The following CD4 variants were observed in gnomAD, a reference collection of about 807,000 sequenced individuals.
CD4 encodes the protein CD4 molecule, also known as T-cell surface glycoprotein CD4.
In CD4, 25 loss-of-function variants were observed where a neutral mutation model predicts 50.5. The observed-to-expected ratio is 0.49, with a 90% CI of 0.36 to 0.69. The LOEUF is 0.69. Ranked by LOEUF, CD4 falls within the 30% of genes least tolerant of loss-of-function variation. The probability of loss-of-function intolerance (pLI) is 0.00; values close to 1 mark genes in which losing one functional copy is unlikely to be tolerated. For synonymous variants in CD4, 207 were observed against 221.9 expected (o/e 0.93, Z 0.60); for missense variants, 456 against 548.5 (o/e 0.83, Z 1.68).
chr12:6,808,181 G>T (rs1038403689), intron 3 of CD4, among the ~76,000 whole-genome samples: 1 of 151,028 alleles, frequency 6.6e-6, no homozygotes, highest in Non-Finnish European at 1.5e-5. Flanking sequence ...TTGGCCAGGC[G>T]CAGTGGCTCA....
intron 1 of CD4, among the ~76,000 whole-genome samples, chr12:6,791,628 C>T (rs897875919): frequency 6.6e-5 from 10 of 152,214 alleles, no homozygotes; most frequent in Admixed American, 2.0e-4. Context: ...CACCAGTAAT[C>T]CCAGCCCTTT....
intron 7 of CD4, among the ~76,000 whole-genome samples, chr12:6,817,665 CTCACACACAT>C (rs1943116737): frequency 6.6e-6 from 1 of 152,024 alleles, no homozygotes; most frequent in Non-Finnish European, 1.5e-5. Flanking sequence ...TACACACACA[CTCACACACAT>C]ACACTCTCAC....
intron 3 of CD4, among the ~76,000 whole-genome samples, chr12:6,801,546 A>T (rs781888120): frequency 6.7e-6 from 1 of 148,310 alleles, no homozygotes; most frequent in Non-Finnish European, 1.5e-5. Flanking sequence ...CANATTTATT[A>T]TTATTATTAT....
chr12:6,800,504 A>G (rs545563466), intron 3 of CD4, 33 bp downstream of exon 3: 1 of 1,585,812 alleles, frequency 6.3e-7, no homozygotes, highest in East Asian at 2.2e-5. Context: ...CCAGGGAGGA[A>G]AACACACTAT....
chr12:6,800,227 G>C, intron 2 of CD4, 40 bp downstream of exon 2: 5 of 1,613,120 alleles, frequency 3.1e-6, no homozygotes, highest in Non-Finnish European at 4.2e-6. Flanking sequence ...AGATGACGTG[G>C]GAGGAAAGGC....
At chr12:6,795,182 C>G (rs1338776405) in intron 1 of CD4, among the ~76,000 whole-genome samples, 1 of 151,846 alleles carries the variant, frequency 6.6e-6, no homozygotes, top group Non-Finnish European at 1.5e-5. Flanking sequence ...CTATCTTATT[C>G]ATCATCTATC....
In CD4 at chr12:6,818,269, C is replaced by G; in HGVS notation, c.1157-152C>G. On this transcript the variant is annotated intron_variant, in intron 7 of 9. Transcript: ENST00000011653. The surrounding 1 kb of genome is among the most constrained non-coding windows in gnomAD (Gnocchi z 5.0). ...CAAACATAAAACCGATTCCCCAGCACTGGCGGCCTTTGAGAGCCCCCAGGC... is the reference window on the plus strand; with the variant it reads ...CAAACATAAAACCGATTCCCCAGCAGTGGCGGCCTTTGAGAGCCCCCAGGC... The G allele has an allele frequency of 1.2e-6, 1 of 841,492 alleles. No homozygotes were observed. The allele number at this position is 841,492 out of a possible 1,614,324, so 52.1% of individuals were successfully genotyped here.
chr12:6,814,314 G>T lies in CD4; in HGVS notation c.373+14G>T. On this transcript the variant is annotated intron_variant, in intron 4 of 9. Transcript: ENST00000011653. ...TAGTGTTCGGATGTGAGTGGGGCAG[G>T]TGGGGATGAGGATACCTCCTGCCTG... 1 of 1,611,390 alleles carries T rather than the reference G, an allele frequency of 6.2e-7. No individual in the cohort carries two copies. Among genetic ancestry groups the T allele is most frequent in the Middle Eastern group, 1.7e-4 (1 of 6,016 alleles).
intron 3 of CD4, 25 bp downstream of exon 3, chr12:6,800,496 A>G (rs200808735): frequency 5.0e-6 from 8 of 1,598,958 alleles, no homozygotes; most frequent in Non-Finnish European, 2.6e-6. Context: ...CTCCCCATCC[A>G]GGGAGGAAAA....
intron 1 of CD4, among the ~76,000 whole-genome samples, chr12:6,793,670 A>T (rs896562040): frequency 1.1e-5 from 1 of 90,584 alleles, no homozygotes; most frequent in African/African-American, 4.7e-5. Flanking sequence ...CTATCTATCT[A>T]TCTATCTATC....
chr12:6,817,087 C>A (rs1361811375), intron 6 of CD4, 43 bp from the exon 7 acceptor site: 5 of 1,535,522 alleles, frequency 3.3e-6, no homozygotes, highest in Non-Finnish European at 3.6e-6. Context: ...AATTGTTCTA[C>A]TGAATCTCAG....
In CD4 at chr12:6,807,344, G is replaced by A. The variant is rs142791967; in HGVS notation, c.215-6798G>A. The stretch of plus-strand genomic sequence containing the variant: ...AAACAATCTAGATGTCCTTCAACTG[G>A]TGAATGATTACATCCATACCACGAA... On this transcript the variant is annotated intron_variant, in intron 3 of 9. Transcript: ENST00000011653. 5.1e-3 allele frequency among the ~76,000 whole-genome samples: 783 copies of A among 152,212 alleles called. 7 individuals are homozygous for A. The highest frequency in any genetic ancestry group is 0.018 in the African/African-American group (744 of 41,526).
chr12:6,791,968 C>T (rs2707212), intron 1 of CD4, among the ~76,000 whole-genome samples: 43,286 of 151,946 alleles, frequency 0.28, 6,759 homozygotes, highest in South Asian at 0.4. Context: ...TGTTCTGTAC[C>T]TTTGAGGGGA....
intron 2 of CD4, 38 bp downstream of exon 2, chr12:6,800,225 TG>T: frequency 6.2e-7 from 1 of 1,612,300 alleles, no homozygotes; most frequent in East Asian, 2.2e-5. Context: ...GCAGATGACG[TG>T]GGAGGAAAGG....
At chr12:6,793,637 GTATCTATCTATCATC>G (rs1278930127) in intron 1 of CD4, among the ~76,000 whole-genome samples, 63 of 149,724 alleles carry the variant, frequency 4.2e-4, no homozygotes, top group African/African-American at 1.3e-3. Flanking sequence ...AAACAAAATT[GTATCTATCTATCATC>G]TATCTATCTA....
intron 3 of CD4, among the ~76,000 whole-genome samples, chr12:6,811,600 C>A (rs1344924416): frequency 2.0e-5 from 3 of 147,052 alleles, no homozygotes; most frequent in African/African-American, 7.5e-5. Flanking sequence ...TCAAGCCATT[C>A]TCCTCCCTCA....
rs1942407866 is a variant in CD4, at chr12:6,797,530, C to G, written c.-67-2542C>G. 3.3e-5 allele frequency among the ~76,000 whole-genome samples: 5 copies of G among 152,242 alleles called. No individual in the cohort carries two copies. In the South Asian group the frequency reaches 1.0e-3, roughly 32 times the overall value. On this transcript the variant is annotated intron_variant, in intron 1 of 9. Coordinates refer to ENST00000011653, the MANE Select transcript of CD4 (RefSeq NM_000616.5). ...GTGGGCCCAGGGGACCGGCGCTCAG[C>G]AAGTGAGGACCTGCACCGGTGCTGG...
intron 7 of CD4, 103 bp downstream of exon 7, chr12:6,817,433 G>A: frequency 2.0e-6 from 2 of 976,336 alleles, no homozygotes; most frequent in Non-Finnish European, 3.1e-6. Context: ...CTGAGTTGGG[G>A]GGTTATGGGT....
intron 5 of CD4, 101 bp from the exon 6 acceptor site, chr12:6,815,955 G>A (rs782573757): frequency 1.5e-5 from 23 of 1,557,130 alleles, no homozygotes; most frequent in Middle Eastern, 1.7e-4. Context: ...TGGACTCGTC[G>A]GGTCCCCTTC....
Sources: gnomAD v4.1 joint callset for allele counts (sites outside exome capture counted in the v4.1 genomes callset) on GRCh38, gnomAD v4.1.1 for gene constraint, Gnocchi (gnomAD v3.1) non-coding constraint, MANE v1.5 for transcripts, NCBI Gene and HGNC (gene_info 2026-07-23, HGNC 2026-07-21) for gene names.